CFAP54: variants seen among roughly 807,000 people sequenced by gnomAD.
The protein encoded by CFAP54 is cilia- and flagella-associated protein 54.
A neutral mutation model predicts 370.4 loss-of-function variants in CFAP54; 290 were observed. The observed-to-expected ratio is 0.78, with a 90% CI of 0.71 to 0.86. The LOEUF is 0.86. CFAP54 is among the 40% of genes least tolerant of loss of function. The probability of loss-of-function intolerance (pLI) is 0.00; values close to 1 mark genes in which losing one functional copy is unlikely to be tolerated. For synonymous variants in CFAP54, 1,206 were observed against 1,236.5 expected, an observed-to-expected ratio of 0.98 and a Z score of 0.52; for missense variants, 3,399 against 3,528.7, an observed-to-expected ratio of 0.96 and a Z score of 0.93.
At position 96,497,175 on chromosome 12, in the gene CFAP54, G is replaced by A. The variant is rs187742678; in HGVS notation, c.318-3659G>A. Among the ~76,000 whole-genome samples the A allele has an allele frequency of 7.2e-5, 11 of 152,236 alleles. No homozygotes were observed. The East Asian group carries it at 2.1e-3, about 29-fold the overall frequency. ...GGGGAGTTTACTTTCCAGAGGACTGGCAAGCTCATTCATGTAGTCGTTAAG... is the reference window on the plus strand; with the variant it reads ...GGGGAGTTTACTTTCCAGAGGACTGACAAGCTCATTCATGTAGTCGTTAAG... On this transcript the variant is annotated intron_variant, in intron 1 of 67. Transcript: ENST00000524981.
At chr12:96,870,705 T>A (rs1024899573) in intron 67 of CFAP54, among the ~76,000 whole-genome samples, 1 of 152,204 alleles carries the variant, frequency 6.6e-6, no homozygotes, top group Non-Finnish European at 1.5e-5. Flanking sequence ...TTTATGGTAA[T>A]GATAGGAGTT....
In CFAP54 at chr12:96,684,662, A is replaced by T; in HGVS notation, c.5731A>T (p.Ser1911Cys). 1 of 1,611,902 alleles carries T rather than the reference A, an allele frequency of 6.2e-7. No homozygotes were observed. The highest frequency in any genetic ancestry group is 1.3e-5 in the African/African-American group (1 of 74,912). The change falls in exon 41 of 68, where the codon AGC becomes TGC. Residue 1911 changes from serine to cysteine, a missense_variant. Physicochemically the swap from Ser to Cys is moderately radical, Grantham distance 112 (BLOSUM62 -1). Coordinates refer to ENST00000524981, the MANE Select transcript of CFAP54 (RefSeq NM_001306084.2). ...TAAAAATATAGATGTTCTCCAAGCC[A>T]GCAATCAAAGAAGTCTTAAAGTTCA... ...LAQTQDVLQA[S>C]NQRSLKVQAL... is the part of the protein sequence containing the mutation.
chr12:96,628,192 C>A (rs758093804), intron 30 of CFAP54, among the ~76,000 whole-genome samples: 3 of 152,296 alleles, frequency 2.0e-5, no homozygotes, highest in Middle Eastern at 3.4e-3. Context: ...GAATGTATCC[C>A]TACCGCTAAG....
At chr12:96,829,883 C>G (rs1959165472) in intron 66 of CFAP54, among the ~76,000 whole-genome samples, 1 of 152,056 alleles carries the variant, frequency 6.6e-6, no homozygotes, top group Non-Finnish European at 1.5e-5. Flanking sequence ...AATTCCTCCT[C>G]CCCCACCACC....
At chr12:96,743,968 A>T in intron 54 of CFAP54, 52 bp from the exon 55 acceptor site, 1 of 1,603,356 alleles carries the variant, frequency 6.2e-7, no homozygotes, top group Non-Finnish European at 8.5e-7. Flanking sequence ...CTTTCCTCCT[A>T]TTCCAAACCA....
chr12:96,861,805 G>A (rs12316963), intron 67 of CFAP54, among the ~76,000 whole-genome samples: 14,237 of 152,174 alleles, frequency 0.094, 1,908 homozygotes, highest in African/African-American at 0.3. Context: ...AGTGCTGGGA[G>A]CATTGTTTCC....
chr12:96,515,862 A>G (rs1955224945), intron 5 of CFAP54, among the ~76,000 whole-genome samples: 1 of 147,848 alleles, frequency 6.8e-6, no homozygotes, highest in South Asian at 2.1e-4. Context: ...TTGTCATCTC[A>G]TTTAATCTTC....
At chr12:96,647,500 A>AAAAAAAAAAAAAAAAAAC (rs1565927578) in intron 33 of CFAP54, among the ~76,000 whole-genome samples, 1 of 145,214 alleles carries the variant, frequency 6.9e-6, no homozygotes, top group Non-Finnish European at 1.5e-5. Context: ...AAAAAAAGAA[A>AAAAAAAAAAAAAAAAAAC]TGCCATTGAT....
rs753855772 is a variant in CFAP54, at chr12:96,718,522, G to T, written c.6804G>T (p.Lys2268Asn). 1.3e-6 allele frequency: 2 copies of T among 1,549,472 alleles called. No individual in the cohort carries two copies. The highest frequency in any genetic ancestry group is 1.8e-6 in the Non-Finnish European group (2 of 1,125,390). ...ATGAGATCACTCTTAGCATGCTAAA[G>T]GTAAGTTTGAAACTGTTTTCAAACC... ...LKDEITLSML[K>N]SMLLMEAEDR... Residue 2268 changes from lysine to asparagine, a missense_variant and splice_region_variant, in exon 49 of 68, where the codon AAG becomes AAT. Around this residue, in one of 3 missense-constraint regions of CFAP54, gnomAD observed 2,796 missense variants for 2,869.7 expected, o/e 0.97. Transcript: ENST00000524981.
At chr12:96,599,507 C>A (rs973260836) in intron 26 of CFAP54, among the ~76,000 whole-genome samples, 2 of 152,088 alleles carry the variant, frequency 1.3e-5, no homozygotes, top group Non-Finnish European at 2.9e-5. Context: ...GATTTCGAAT[C>A]CTTTGGATAT....
At chr12:96,698,451 A>G (rs1278501163) in intron 45 of CFAP54, among the ~76,000 whole-genome samples, 2 of 152,348 alleles carry the variant, frequency 1.3e-5, no homozygotes, top group African/African-American at 4.8e-5. Flanking sequence ...GTTAGACTAG[A>G]TAAAATGTGG....
chr12:96,567,028 T>C (rs1955870844), intron 19 of CFAP54, among the ~76,000 whole-genome samples: 1 of 152,122 alleles, frequency 6.6e-6, no homozygotes, highest in African/African-American at 2.4e-5. Flanking sequence ...AACTCAATAG[T>C]GGGGAATGTT....
chr12:96,801,981 G>A (rs1385642969), intron 63 of CFAP54, among the ~76,000 whole-genome samples: 3 of 152,084 alleles, frequency 2.0e-5, no homozygotes, highest in Admixed American at 6.6e-5. Context: ...GAAGTGAGCG[G>A]ACCACACTTC....
In CFAP54 at chr12:96,664,797, A is replaced by G. The variant is rs375252381; in HGVS notation, c.5563+865A>G. Among the ~76,000 whole-genome samples, 45 of 26,962 alleles carry G rather than the reference A, an allele frequency of 1.7e-3. 1 individual carries two copies. In the South Asian group the frequency reaches 0.036, roughly 22 times the overall value. 17.7% of individuals were successfully genotyped at this position (26,962 alleles called of 152,430 possible). ...TATATCTATATATATATATATATAT[A>G]TATATATATATATATAGATATATAT... On this transcript the variant is annotated intron_variant, in intron 39 of 67. Transcript: ENST00000524981.
intron 43 of CFAP54, 42 bp from the exon 44 acceptor site, chr12:96,691,086 G>T (rs760483858): frequency 1.0e-5 from 16 of 1,544,012 alleles, no homozygotes; most frequent in Admixed American, 3.8e-5. Flanking sequence ...TATTGAAAAT[G>T]CTATCTATAG....
Position 96,614,382 on chromosome 12 carries a change from T to G in CFAP54, c.3640-7208T>G, listed in dbSNP as rs529077150. 4.2e-4 allele frequency among the ~76,000 whole-genome samples: 64 copies of G among 152,260 alleles called. 2 individuals carry two copies. In the East Asian group the frequency reaches 7.5e-3, roughly 18 times the overall value. On this transcript the variant is annotated intron_variant, in intron 26 of 67. Transcript: ENST00000524981. ...CATATCTCAAAATAATAAGAGCTAT[T>G]TATGACAAACCCACAGCCAGTATCA...
At chr12:96,530,877 G>A (rs918802115) in intron 9 of CFAP54, among the ~76,000 whole-genome samples, 13 of 152,168 alleles carry the variant, frequency 8.5e-5, no homozygotes, top group African/African-American at 3.1e-4. Flanking sequence ...ATTCTGATAG[G>A]TGTGTAGTAA....
rs1375024220 is a variant in CFAP54 at position 96,504,037 on chromosome 12, G to A, written c.567+8G>A. ...AAAACTGCTGGACTTACAGTAAGAT[G>A]AAAGAGCAGCTGAAATAGCTACAAT... On this transcript the variant is annotated splice_region_variant and intron_variant, in intron 3 of 67. Transcript: ENST00000524981. 6.7e-7 allele frequency: 1 copy of A among 1,497,672 alleles called. No individual in the cohort carries two copies. The highest frequency in any genetic ancestry group is 8.8e-7 in the Non-Finnish European group (1 of 1,134,018). 92.8% of individuals were successfully genotyped at this position (1,497,672 alleles called of 1,614,324 possible). A position where few individuals can be genotyped will look rare whatever the true frequency, so the allele number is the denominator to read the frequency against.
intron 32 of CFAP54, among the ~76,000 whole-genome samples, chr12:96,640,711 C>T (rs1301304267): frequency 6.6e-6 from 1 of 152,164 alleles, no homozygotes; most frequent in Non-Finnish European, 1.5e-5. Context: ...CAGCATGGTA[C>T]TGGTACCAAA....
Sources: allele counts gnomAD v4.1 joint callset (sites outside exome capture counted in the v4.1 genomes callset), GRCh38; gene constraint gnomAD v4.1.1; regional missense constraint gnomAD v4.1.1; transcripts MANE v1.5; gene names NCBI Gene and HGNC (gene_info 2026-07-23, HGNC 2026-07-21).